Variants in MYH11 observed in about 807,000 individuals in gnomAD.
MYH11 encodes myosin heavy chain 11.
MYH11 carries 80 observed loss-of-function variants against 246.6 expected under a neutral mutation model. The observed-to-expected ratio is 0.32, with a 90% CI of 0.27 to 0.39. The LOEUF (loss-of-function observed/expected upper bound fraction) is 0.39, where lower values mean the gene tolerates loss of function less well. Ranked by LOEUF, MYH11 falls within the 10% of genes least tolerant of loss-of-function variation. The probability of loss-of-function intolerance (pLI) is 1.00; values close to 1 mark genes in which losing one functional copy is unlikely to be tolerated. For synonymous variants in MYH11, 1,071 were observed against 1,015.5 expected, an observed-to-expected ratio of 1.05 and a Z score of -1.04; for missense variants, 2,158 against 2,546.8, an observed-to-expected ratio of 0.85 and a Z score of 3.29.
chr16:15,784,637 G>A, intron 5 of MYH11: 1 of 1,586,810 alleles, frequency 6.3e-7, no homozygotes, highest in Non-Finnish European at 8.6e-7. Context: ...AGAGGATCAT[G>A]CAGATCTAAG....
At chr16:15,706,980 C>T (rs1370181562) in intron 40 of MYH11, among the ~76,000 whole-genome samples, 1 of 152,118 alleles carries the variant, frequency 6.6e-6, no homozygotes, top group Non-Finnish European at 1.5e-5. Context: ...ACCAACTATA[C>T]CTGTTACAGG....
intron 25 of MYH11, among the ~76,000 whole-genome samples, chr16:15,736,919 A>C (rs2041134550): frequency 6.6e-6 from 1 of 152,146 alleles, no homozygotes; most frequent in Admixed American, 6.6e-5. Flanking sequence ...TCCAGCTAAG[A>C]GCCAGGAAGA....
At chr16:15,786,263 T>A (rs2042466236) in intron 5 of MYH11, 1 of 389,536 alleles carries the variant, frequency 2.6e-6, no homozygotes, top group Non-Finnish European at 4.9e-6. Context: ...AGGCCAGGGA[T>A]GTTGTGAAAC....
intron 8 of MYH11, among the ~76,000 whole-genome samples, chr16:15,773,742 A>G (rs915467804): frequency 2.0e-5 from 3 of 152,198 alleles, no homozygotes; most frequent in Admixed American, 2.0e-4. Context: ...TAGGCAACAG[A>G]GTTGAGTAGT....
intron 1 of MYH11, among the ~76,000 whole-genome samples, chr16:15,853,931 T>G (rs2044393928): frequency 6.6e-6 from 1 of 152,162 alleles, no homozygotes; most frequent in Admixed American, 6.6e-5. Context: ...CTCAGGAGGC[T>G]GAGGCTGGAG....
In MYH11 at chr16:15,732,566, TC is replaced by T; in HGVS notation, c.3648del (p.Arg1217GlyfsTer6). 1 of 1,614,270 alleles carries T rather than the reference TC, an allele frequency of 6.2e-7. No homozygotes were observed. The highest frequency in any genetic ancestry group is 8.5e-7 in the Non-Finnish European group (1 of 1,180,040). ...AAAGCATCACCAAAAAGCATTACCC[TC>T]TTGAACTGCTCAAGCTGCTCTGTGA... ...EELTEQLEQF[K>X]RAKANLDKNK... On this transcript the variant is annotated frameshift_variant, in exon 27 of 41. Coordinates refer to ENST00000300036, the MANE Select transcript of MYH11 (RefSeq NM_002474.3). LOFTEE classifies it high-confidence loss of function.
chr16:15,807,561 C>T (rs1340346197), intron 3 of MYH11, among the ~76,000 whole-genome samples: 1 of 152,012 alleles, frequency 6.6e-6, no homozygotes, highest in Non-Finnish European at 1.5e-5. Flanking sequence ...AAGCAGAGGG[C>T]CTGGGACAGA....
At chr16:15,707,844 A>G (rs1181029854) in intron 40 of MYH11, among the ~76,000 whole-genome samples, 1 of 151,458 alleles carries the variant, frequency 6.6e-6, no homozygotes, top group Non-Finnish European at 1.5e-5. Context: ...AGGTGGCGGG[A>G]GCCTGTAATC....
At chr16:15,836,954 A>AC (rs895919177) in intron 2 of MYH11, among the ~76,000 whole-genome samples, 16 of 151,752 alleles carry the variant, frequency 1.1e-4, no homozygotes, top group Non-Finnish European at 2.2e-4. Context: ...CAAACTCCTG[A>AC]CCTCAAGTGA....
chr16:15,715,360 C>A, intron 38 of MYH11, 88 bp from the exon 39 acceptor site: 2 of 1,210,924 alleles, frequency 1.7e-6, no homozygotes, highest in Non-Finnish European at 2.4e-6. Context: ...ATCTTGAGTG[C>A]TTTCCTGAGC....
At chr16:15,739,823 C>T (rs894148554) in intron 23 of MYH11, among the ~76,000 whole-genome samples, 1 of 151,870 alleles carries the variant, frequency 6.6e-6, no homozygotes, top group Non-Finnish European at 1.5e-5. Flanking sequence ...CTCACTGCAA[C>T]CTCTACCTCC....
intron 38 of MYH11, 138 bp from the exon 39 acceptor site, chr16:15,715,410 G>A (rs1000743087): frequency 7.8e-6 from 6 of 772,878 alleles, no homozygotes; most frequent in Non-Finnish European, 1.4e-5. Context: ...TCAGATGGTG[G>A]AATAGTATTC....
chr16:15,775,727 T>C lies in MYH11; in HGVS notation c.889+351A>G, dbSNP rs2042207001. 2.6e-5 allele frequency: 7 copies of C among 273,806 alleles called. No individual in the cohort carries two copies. The South Asian group carries it at 4.4e-4, about 17-fold the overall frequency. 17.0% of individuals were successfully genotyped at this position (273,806 alleles called of 1,614,324 possible). On this transcript the variant is annotated intron_variant, in intron 8 of 40. Coordinates refer to ENST00000300036, the MANE Select transcript of MYH11 (RefSeq NM_002474.3). ...GCATCTTTTATATTTGCAAGTTTTA[T>C]AAATTGGCAAGTAAGGCAAATGTCT...
chr16:15,837,256 T>A (rs1313967116), intron 2 of MYH11, among the ~76,000 whole-genome samples: 1 of 152,114 alleles, frequency 6.6e-6, no homozygotes, highest in South Asian at 2.1e-4. Context: ...CCAAAGTGGT[T>A]ATGAGCTCTT....
intron 1 of MYH11, among the ~76,000 whole-genome samples, chr16:15,856,308 A>G (rs2044468336): frequency 6.8e-6 from 1 of 147,978 alleles, no homozygotes; most frequent in African/African-American, 2.5e-5. Context: ...GGTTCTCAAC[A>G]TAGAAGAACC....
At chr16:15,763,760 C>CCCCCACAAAA in intron 10 of MYH11, 36 bp downstream of exon 10, 1 of 1,192,090 alleles carries the variant, frequency 8.4e-7, no homozygotes, top group Non-Finnish European at 1.3e-6. Flanking sequence ...CCCCCAACCC[C>CCCCCACAAAA]AAAGTCATTG....
chr16:15,809,063 A>C (rs1596877261), intron 3 of MYH11, among the ~76,000 whole-genome samples: 1 of 151,992 alleles, frequency 6.6e-6, no homozygotes, highest in Non-Finnish European at 1.5e-5. Flanking sequence ...CAAGTTCCCT[A>C]GCCAAGCCTA....
chr16:15,735,657 G>A lies in MYH11; in HGVS notation c.3294-79C>T, dbSNP rs1389284784. The A allele has an allele frequency of 1.9e-5, 26 of 1,404,050 alleles. No homozygotes were observed. In the East Asian group the frequency reaches 4.1e-4, roughly 22 times the overall value. The allele number at this position is 1,404,050 out of a possible 1,614,324, so 87.0% of individuals were successfully genotyped here. A position where few individuals can be genotyped will look rare whatever the true frequency, so the allele number is the denominator to read the frequency against. ...TTACAATGTGGCCAAAAACTTTTCTGGGACCAGACAGTTATGTTGCAGAGA... is the reference window on the plus strand; with the variant it reads ...TTACAATGTGGCCAAAAACTTTTCTAGGACCAGACAGTTATGTTGCAGAGA... On this transcript the variant is annotated intron_variant, in intron 25 of 40. Transcript: ENST00000300036.
At chr16:15,826,556 C>G (rs2043570655) in intron 2 of MYH11, among the ~76,000 whole-genome samples, 1 of 150,552 alleles carries the variant, frequency 6.6e-6, no homozygotes, top group South Asian at 2.1e-4. Flanking sequence ...GCCATGCACT[C>G]CAGCCTGTGT....
Sources: gnomAD v4.1 joint callset for allele counts (sites outside exome capture counted in the v4.1 genomes callset) on GRCh38, gnomAD v4.1.1 for gene constraint, MANE v1.5 for transcripts, NCBI Gene and HGNC (gene_info 2026-07-23, HGNC 2026-07-21) for gene names.